The following ATP8A2 variants were observed in gnomAD, a reference collection of about 807,000 sequenced individuals.
ATP8A2 encodes the protein ATPase phospholipid transporting 8A2, also known as phospholipid-transporting ATPase IB.
Under a neutral mutation model 165.6 loss-of-function variants are expected in ATP8A2, and 100 were observed. The observed-to-expected ratio is 0.60, with a 90% CI of 0.51 to 0.71. The LOEUF is 0.71. ATP8A2 is among the 30% of genes least tolerant of loss of function. The pLI is 0.00. For missense variants in ATP8A2, 1,227 were observed against 1,479.5 expected, an observed-to-expected ratio of 0.83 and a Z score of 2.80; for synonymous variants, 543 against 548.8, an observed-to-expected ratio of 0.99 and a Z score of 0.15.
At chr13:25,400,978 A>G (rs1349805047) in intron 1 of ATP8A2, among the ~76,000 whole-genome samples, 2 of 152,232 alleles carry the variant, frequency 1.3e-5, no homozygotes, top group Admixed American at 6.5e-5. Context: ...TGCCCACTTA[A>G]CAGGAAGTTT....
intron 33 of ATP8A2, among the ~76,000 whole-genome samples, chr13:25,882,922 GATGATGATGATGA>G (rs1275180281): frequency 6.6e-6 from 1 of 151,604 alleles, no homozygotes; most frequent in Middle Eastern, 3.2e-3. Context: ...TGATGATGAT[GATGATGATGATGA>G]TGATGGTGAT....
chr13:25,817,352 G>C (rs948679157), intron 27 of ATP8A2, among the ~76,000 whole-genome samples: 4 of 57,962 alleles, frequency 6.9e-5, no homozygotes, highest in Non-Finnish European at 1.1e-4. Context: ...GTCTTTTATG[G>C]GGGGGGGGGG....
At chr13:25,950,155 C>T (rs1190700242) in intron 33 of ATP8A2, among the ~76,000 whole-genome samples, 1 of 152,108 alleles carries the variant, frequency 6.6e-6, no homozygotes, top group African/African-American at 2.4e-5. Context: ...CCCATTTTTA[C>T]CTTGGAAATA....
At chr13:25,863,340 CA>C (rs1566214489) in intron 33 of ATP8A2, 1 of 152,882 alleles carries the variant, frequency 6.5e-6, no homozygotes, top group Non-Finnish European at 1.5e-5. Context: ...CCCAAACAGC[CA>C]AAAGCCTCCT....
intron 36 of ATP8A2, among the ~76,000 whole-genome samples, chr13:26,016,736 T>C (rs1956984363): frequency 6.6e-6 from 1 of 152,182 alleles, no homozygotes; most frequent in African/African-American, 2.4e-5. Flanking sequence ...ACACCGACCC[T>C]TTCTTTTCTG....
At chr13:25,828,817 C>A in intron 28 of ATP8A2, among the ~76,000 whole-genome samples, 1 of 152,134 alleles carries the variant, frequency 6.6e-6, no homozygotes, top group East Asian at 1.9e-4. Context: ...GCTAAAATGG[C>A]TCAGTAGCTG....
At chr13:25,611,931 T>C (rs2040698664) in intron 24 of ATP8A2, among the ~76,000 whole-genome samples, 1 of 152,170 alleles carries the variant, frequency 6.6e-6, no homozygotes, top group Non-Finnish European at 1.5e-5. Context: ...TGTAAAGGTG[T>C]TCATAGTAGC....
intron 36 of ATP8A2, 34 bp from the exon 37 acceptor site, chr13:26,019,854 G>A (rs533199125): frequency 6.6e-7 from 1 of 1,514,104 alleles, no homozygotes; most frequent in African/African-American, 1.4e-5. Context: ...CAATTCTCCT[G>A]TTAACCAGTT....
Position 25,849,376 on chromosome 13 carries a change from G to A in ATP8A2, c.2956+9752G>A, listed in dbSNP as rs377215324. 1.3e-4 allele frequency among the ~76,000 whole-genome samples: 20 copies of A among 152,284 alleles called. 1 individual carries two copies. The South Asian group carries it at 3.3e-3, about 25-fold the overall frequency. On this transcript the variant is annotated intron_variant, in intron 30 of 36. Coordinates refer to ENST00000381655, the MANE Select transcript of ATP8A2 (RefSeq NM_016529.6). ...GTCTTGAAATTTTGCCTTTGTCAGA[G>A]CCATTTCTGAATACATTTTGTGGTT...
Position 26,020,273 on chromosome 13 carries a change from A to G in ATP8A2, c.*288A>G, listed in dbSNP as rs190348403. 1.5e-5 allele frequency: 6 copies of G among 401,688 alleles called. No individual in the cohort carries two copies. The Admixed American group carries it at 1.7e-4, about 11-fold the overall frequency. 24.9% of individuals were successfully genotyped at this position (401,688 alleles called of 1,614,324 possible). A position where few individuals can be genotyped will look rare whatever the true frequency, so the allele number is the denominator to read the frequency against. ...TGCTCTGTGAGGTGTGAAATTAAAA[A>G]CATTATGTTTCACCAATATTTAAAC... is the stretch of plus-strand genomic sequence containing the variant. On this transcript the variant is annotated 3_prime_UTR_variant, in exon 37 of 37. Coordinates refer to ENST00000381655, the MANE Select transcript of ATP8A2 (RefSeq NM_016529.6).
intron 35 of ATP8A2, among the ~76,000 whole-genome samples, chr13:25,983,916 G>A (rs944849884): frequency 6.6e-6 from 1 of 152,074 alleles, no homozygotes; most frequent in Admixed American, 6.6e-5. Flanking sequence ...AGCAGGGGAC[G>A]AGAATGACAC....
chr13:25,927,498 C>T (rs370616031), intron 33 of ATP8A2, among the ~76,000 whole-genome samples: 7 of 151,864 alleles, frequency 4.6e-5, no homozygotes, highest in African/African-American at 9.7e-5. Context: ...CAGCAGAGTC[C>T]GAAAAGAAAT....
chr13:25,866,606 C>G (rs759718344), intron 33 of ATP8A2, among the ~76,000 whole-genome samples: 2 of 152,086 alleles, frequency 1.3e-5, no homozygotes, highest in African/African-American at 2.4e-5. Context: ...CAGGCAATCA[C>G]GTACACACAC....
At chr13:25,964,828 A>AT (rs1955742073) in intron 34 of ATP8A2, among the ~76,000 whole-genome samples, 2 of 152,102 alleles carry the variant, frequency 1.3e-5, no homozygotes, top group South Asian at 4.2e-4. Context: ...AGGATGTTTT[A>AT]TTTTGTTCTG....
At chr13:25,528,305 A>G (rs2037905739) in intron 2 of ATP8A2, among the ~76,000 whole-genome samples, 1 of 152,224 alleles carries the variant, frequency 6.6e-6, no homozygotes, top group African/African-American at 2.4e-5. Flanking sequence ...TTCATATAAC[A>G]TCACATACAT....
At chr13:25,628,403 T>G (rs2041156064) in intron 24 of ATP8A2, among the ~76,000 whole-genome samples, 1 of 152,190 alleles carries the variant, frequency 6.6e-6, no homozygotes, top group Non-Finnish European at 1.5e-5. Flanking sequence ...ACTCTGAGCT[T>G]CTCTTTCTGT....
intron 10 of ATP8A2, among the ~76,000 whole-genome samples, chr13:25,548,585 G>A (rs2038723976): frequency 6.6e-6 from 1 of 152,178 alleles, no homozygotes. Context: ...CTGGCCTGCT[G>A]GCCCTTACGT....
chr13:25,482,901 C>G (rs112842481), intron 2 of ATP8A2, among the ~76,000 whole-genome samples: 1,690 of 152,294 alleles, frequency 0.011, 34 homozygotes, highest in African/African-American at 0.039. Flanking sequence ...CCAATTAAAC[C>G]TCTTTCTTTT....
intron 27 of ATP8A2, among the ~76,000 whole-genome samples, chr13:25,802,666 T>A (rs2138465275): frequency 6.6e-6 from 1 of 152,296 alleles, no homozygotes; most frequent in South Asian, 2.1e-4. Context: ...TGCTGGATAT[T>A]AATTTAGCAA....
Sources: gnomAD v4.1 joint callset for allele counts (sites outside exome capture counted in the v4.1 genomes callset) on GRCh38, gnomAD v4.1.1 for gene constraint, MANE v1.5 for transcripts, NCBI Gene and HGNC (gene_info 2026-07-23, HGNC 2026-07-21) for gene names.